SMYD3: variants seen among roughly 807,000 people sequenced by gnomAD.
The protein encoded by SMYD3 is SET and MYND domain containing 3, also known as histone-lysine N-methyltransferase SMYD3.
SMYD3 carries 36 observed loss-of-function variants against 57.7 expected under a neutral mutation model. The observed-to-expected ratio is 0.62, with a 90% CI of 0.48 to 0.82. The LOEUF is 0.82. Among genes scored for constraint, SMYD3 ranks in the 40% least tolerant of loss-of-function variants. The pLI, the probability that SMYD3 is intolerant of heterozygous loss-of-function variation, is 0.00. For missense variants in SMYD3, 515 were observed against 538.8 expected (o/e 0.96, Z 0.44); for synonymous variants, 211 against 195.0 (o/e 1.08, Z -0.68).
chr1:246,245,120 C>CTTTTTTTTTTT lies in SMYD3; in HGVS notation c.531+82070_531+82080dup, dbSNP rs74163421. Among the ~76,000 whole-genome samples the CTTTTTTTTTTT allele has an allele frequency of 3.5e-3, 424 of 122,836 alleles. 3 individuals are homozygous for CTTTTTTTTTTT. The highest frequency in any genetic ancestry group is 5.1e-3 in the Middle Eastern group (1 of 198). The allele number at this position is 122,836 out of a possible 152,430, so 80.6% of individuals were successfully genotyped here. On this transcript the variant is annotated intron_variant, in intron 5 of 11. Coordinates refer to ENST00000490107, the MANE Select transcript of SMYD3 (RefSeq NM_001167740.2). ...CCTAAAAGAATTCAGCAGCTACTGCCTTTTTTTTTTTTTTTTTTTTTAGTT... is the reference window on the plus strand; with the variant it reads ...CCTAAAAGAATTCAGCAGCTACTGCCTTTTTTTTTTTTTTTTTTTTTTTTTTTTTTTTAGTT...
rs116224871 is a variant in SMYD3 at position 245,859,183 on chromosome 1, C to A, written c.902-513G>T. On this transcript the variant is annotated intron_variant, in intron 9 of 11. Transcript: ENST00000490107. ...CCCAAAAACTCACACAACCCACAGG[C>A]ACACACTAGGTGGAGCAATTTGAAG... Among the ~76,000 whole-genome samples, 996 of 152,286 alleles carry A rather than the reference C, an allele frequency of 6.5e-3. 12 individuals carry two copies. Among genetic ancestry groups the A allele is most frequent in the African/African-American group, 0.023 (951 of 41,546 alleles).
In SMYD3 at chr1:246,084,910, T is replaced by C. The variant is rs142822357; in HGVS notation, c.532-154973A>G. Among the ~76,000 whole-genome samples, 170 of 152,334 alleles carry C rather than the reference T, an allele frequency of 1.1e-3. 2 individuals are homozygous for C. The highest frequency in any genetic ancestry group is 4.0e-3 in the African/African-American group (166 of 41,578). ...AATTACAAATTATCAGTGACTACCA[T>C]ATTCTTTAGAGCACATTATTTTACC... is the stretch of plus-strand genomic sequence containing the variant. On this transcript the variant is annotated intron_variant, in intron 5 of 11. Transcript: ENST00000490107.
intron 5 of SMYD3, among the ~76,000 whole-genome samples, chr1:246,005,658 G>T (rs554363925): frequency 9.6e-4 from 146 of 152,248 alleles, no homozygotes; most frequent in Non-Finnish European, 1.7e-3. Flanking sequence ...CATGTAAAGG[G>T]GCACGCTTAC....
At chr1:245,782,802 A>C (rs2046885908) in intron 10 of SMYD3, among the ~76,000 whole-genome samples, 1 of 152,262 alleles carries the variant, frequency 6.6e-6, no homozygotes, top group Admixed American at 6.5e-5. Flanking sequence ...CCAATGCCTG[A>C]GTCTAGAAAG....
intron 5 of SMYD3, among the ~76,000 whole-genome samples, chr1:245,987,003 C>T (rs573656280): frequency 1.3e-5 from 2 of 152,284 alleles, no homozygotes; most frequent in African/African-American, 2.4e-5. Context: ...GGAGAGCATA[C>T]CTCCTTTTAA....
At chr1:245,775,680 T>A (rs2046554063) in intron 10 of SMYD3, among the ~76,000 whole-genome samples, 2 of 138,642 alleles carry the variant, frequency 1.4e-5, no homozygotes, top group African/African-American at 2.7e-5. Context: ...CAAATCCCCC[T>A]CTCCGAGAAA....
intron 5 of SMYD3, among the ~76,000 whole-genome samples, chr1:246,155,929 A>G (rs1472556093): frequency 3.3e-5 from 5 of 152,230 alleles, no homozygotes; most frequent in Admixed American, 2.6e-4. Context: ...TGAGGTTGCA[A>G]TGAGCCAAGA....
chr1:245,753,127 G>T (rs1572243539), intron 11 of SMYD3, among the ~76,000 whole-genome samples: 1 of 152,108 alleles, frequency 6.6e-6, no homozygotes, highest in Non-Finnish European at 1.5e-5. Flanking sequence ...GGGAACAGGG[G>T]CAACCCTCAG....
At chr1:246,375,390 C>T (rs553306409) in intron 1 of SMYD3, among the ~76,000 whole-genome samples, 1 of 119,374 alleles carries the variant, frequency 8.4e-6, no homozygotes, top group Non-Finnish European at 1.6e-5. Flanking sequence ...CAAGACACAA[C>T]ATGAGAGTAA....
At chr1:246,343,195 T>A (rs979607522) in intron 2 of SMYD3, among the ~76,000 whole-genome samples, 1 of 152,216 alleles carries the variant, frequency 6.6e-6, no homozygotes, top group Non-Finnish European at 1.5e-5. Flanking sequence ...ATGACTTAAT[T>A]GATAGTTTGG....
intron 5 of SMYD3, among the ~76,000 whole-genome samples, chr1:246,116,084 G>C (rs140833807): frequency 6.6e-6 from 1 of 152,108 alleles, no homozygotes; most frequent in Non-Finnish European, 1.5e-5. Flanking sequence ...AGGTTGCAGT[G>C]AGCCGAGATC....
At chr1:245,881,810 C>T (rs946520200) in intron 8 of SMYD3, among the ~76,000 whole-genome samples, 2 of 152,102 alleles carry the variant, frequency 1.3e-5, no homozygotes, top group Non-Finnish European at 2.9e-5. Flanking sequence ...GTTGAAGCCA[C>T]GAGCTGAAGA....
chr1:246,441,756 C>A (rs768677604), intron 1 of SMYD3, among the ~76,000 whole-genome samples: 9 of 152,212 alleles, frequency 5.9e-5, no homozygotes, highest in Non-Finnish European at 5.9e-5. Context: ...AGACCACAGG[C>A]ACATGCCAGC....
chr1:245,789,648 C>T (rs900910271), intron 10 of SMYD3, among the ~76,000 whole-genome samples: 7 of 152,272 alleles, frequency 4.6e-5, no homozygotes, highest in Admixed American at 6.5e-5. Flanking sequence ...ATGAAGTCCA[C>T]AGAGAATTTT....
At chr1:246,036,711 G>A (rs1241965770) in intron 5 of SMYD3, among the ~76,000 whole-genome samples, 2 of 101,126 alleles carry the variant, frequency 2.0e-5, no homozygotes, top group South Asian at 4.0e-4. Flanking sequence ...CTGCCACTAA[G>A]CCCGGCTAAT....
intron 5 of SMYD3, among the ~76,000 whole-genome samples, chr1:246,110,667 G>A (rs2061219043): frequency 6.6e-6 from 1 of 152,186 alleles, no homozygotes; most frequent in South Asian, 2.1e-4. Flanking sequence ...GTGTCACCAG[G>A]GCAATTATAC....
intron 8 of SMYD3, among the ~76,000 whole-genome samples, chr1:245,880,001 C>A (rs1404321528): frequency 6.6e-6 from 1 of 151,396 alleles, no homozygotes; most frequent in East Asian, 1.9e-4. Context: ...CCAGAGATAG[C>A]ACAGGTGCGT....
intron 1 of SMYD3, among the ~76,000 whole-genome samples, chr1:246,472,856 T>TTTC (rs1553353510): frequency 7.6e-6 from 1 of 131,004 alleles, no homozygotes; most frequent in African/African-American, 3.3e-5. Context: ...CAAATTTCTT[T>TTTC]TTTTTTTTTT....
intron 10 of SMYD3, among the ~76,000 whole-genome samples, chr1:245,820,134 C>CA (rs1379003376): frequency 6.7e-6 from 1 of 149,828 alleles, no homozygotes; most frequent in Non-Finnish European, 1.5e-5. Flanking sequence ...AACATTGATG[C>CA]AAAAATCCTC....
Sources: allele counts gnomAD v4.1 joint callset (sites outside exome capture counted in the v4.1 genomes callset), GRCh38; gene constraint gnomAD v4.1.1; transcripts MANE v1.5; gene names NCBI Gene and HGNC (gene_info 2026-07-23, HGNC 2026-07-21).